Variants in TRAK2 observed in about 807,000 individuals in gnomAD.
The protein encoded by TRAK2 is trafficking kinesin-binding protein 2.
TRAK2 carries 81 observed loss-of-function variants against 104.6 expected under a neutral mutation model. The ratio of observed to expected loss-of-function variants is 0.77; its 90% CI spans 0.65 to 0.93. TRAK2 has a LOEUF of 0.93. Ranked by LOEUF, TRAK2 falls within the 40% of genes least tolerant of loss-of-function variation. TRAK2 has a pLI of 0.00. For missense variants in TRAK2, 1,002 were observed against 1,089.0 expected (o/e 0.92, Z 1.12); for synonymous variants, 406 against 394.4 (o/e 1.03, Z -0.35).
intron 1 of TRAK2, among the ~76,000 whole-genome samples, chr2:201,450,779 GATT>G (rs1050263206): frequency 6.6e-6 from 1 of 151,254 alleles, no homozygotes; most frequent in Non-Finnish European, 1.5e-5. Context: ...TTATGACGCA[GATT>G]TTTTTTTAAG....
In TRAK2 at chr2:201,395,435, T is replaced by C. The variant is rs753992382; in HGVS notation, c.779A>G (p.Asn260Ser). 6 of 1,535,804 alleles carry C rather than the reference T, an allele frequency of 3.9e-6. No homozygotes were observed. The South Asian group carries it at 5.1e-5, about 13-fold the overall frequency. ...SDCVKELRET[N>S]AQMSRMTEEL... ...TTCAGTCATTCTGGACATCTGAGCA[T>C]TTGTTTCACCTTGGAAGCAAAAAAA... The change falls in exon 8 of 16, where the codon AAT (asparagine) becomes AGT (serine). Residue 260 changes from asparagine (N) to serine (S), a missense_variant. Transcript: ENST00000332624.
At chr2:201,419,490 T>C (rs914435045) in intron 2 of TRAK2, 5 of 135,434 alleles carry the variant, frequency 3.7e-5, no homozygotes, top group African/African-American at 1.5e-4. Context: ...ATTCAATTTA[T>C]ATGAAATTCT....
At chr2:201,416,250 A>G (rs1344081595) in intron 2 of TRAK2, among the ~76,000 whole-genome samples, 1 of 148,638 alleles carries the variant, frequency 6.7e-6, no homozygotes, top group Middle Eastern at 3.2e-3. Context: ...AAAAAAAGGA[A>G]GAAGAAAAAA....
chr2:201,428,842 G>A (rs568036584), intron 1 of TRAK2, among the ~76,000 whole-genome samples: 45 of 152,042 alleles, frequency 3.0e-4, no homozygotes, highest in East Asian at 1.5e-3. Context: ...CTTTTATTTC[G>A]TTGAGCAGTG....
At position 201,422,790 on chromosome 2, in the gene TRAK2, C is replaced by T. The variant is rs4675036; in HGVS notation, c.-199-2084G>A. Among the ~76,000 whole-genome samples, 951 of 152,120 alleles carry T rather than the reference C, an allele frequency of 6.3e-3. 38 individuals carry two copies. The highest frequency in any genetic ancestry group is 0.055 in the Admixed American group (848 of 15,284). On this transcript the variant is annotated intron_variant, in intron 1 of 15. Transcript: ENST00000332624. Reference sequence around the variant, plus strand: ...CTGCAAGGTGTCGGTAAGTGAGATGCTAAGAGTGGAGTTTAGTGAGTACAG... The same window carrying T: ...CTGCAAGGTGTCGGTAAGTGAGATGTTAAGAGTGGAGTTTAGTGAGTACAG...
chr2:201,413,203 G>A, intron 2 of TRAK2: 1 of 1,501,558 alleles, frequency 6.7e-7, no homozygotes, highest in Non-Finnish European at 9.3e-7. Context: ...GCAATGTGCT[G>A]ACCAACATCA....
intron 1 of TRAK2, among the ~76,000 whole-genome samples, chr2:201,449,042 G>A (rs1051227321): frequency 3.3e-5 from 5 of 152,160 alleles, no homozygotes; most frequent in African/African-American, 1.2e-4. Flanking sequence ...AGAACCTTTT[G>A]ATAAAAGTCC....
intron 6 of TRAK2, chr2:201,397,888 G>GT: frequency 3.6e-6 from 2 of 557,132 alleles, no homozygotes; most frequent in Admixed American, 6.2e-5. Context: ...TAACTACTTA[G>GT]TTACTTGCGT....
At position 201,378,056 on chromosome 2, in the gene TRAK2, GATT is replaced by G. The variant is rs1379222720; in HGVS notation, c.*2484_*2486del. 1 of 152,088 alleles carries G rather than the reference GATT, an allele frequency of 6.6e-6. No individual in the cohort carries two copies. The highest frequency in any genetic ancestry group is 1.5e-5 in the Non-Finnish European group (1 of 68,006). The allele number at this position is 152,088 out of a possible 1,614,324, so 9.4% of individuals were successfully genotyped here. A position where few individuals can be genotyped will look rare whatever the true frequency, so the allele number is the denominator to read the frequency against. Reference sequence around the variant, plus strand: ...TTGCAGACAATTCTAGTATTATAGAGATTATCAGGATATACCAAAAATGATTTT... The same window carrying G: ...TTGCAGACAATTCTAGTATTATAGAGATCAGGATATACCAAAAATGATTTT... On this transcript the variant is annotated 3_prime_UTR_variant, in exon 16 of 16. Transcript: ENST00000332624.
chr2:201,386,459 C>T lies in TRAK2; in HGVS notation c.1722G>A (p.Gln574=). The T allele has an allele frequency of 6.2e-7, 1 of 1,614,126 alleles. No individual in the cohort carries two copies. Among genetic ancestry groups the T allele is most frequent in the Non-Finnish European group, 8.5e-7 (1 of 1,180,004 alleles). ...LEGSQTLYHW[Q]QLAQPNLGTI... ...TTCCCAAGTTTGGTTGAGCAAGCTGCTGCCAGTGATACAGAGTTTGTGATC... is the reference window on the plus strand; with the variant it reads ...TTCCCAAGTTTGGTTGAGCAAGCTGTTGCCAGTGATACAGAGTTTGTGATC... Residue 574 remains glutamine (Q), a synonymous_variant, in exon 14 of 16, where the codon CAG becomes CAA. Coordinates refer to ENST00000332624, the MANE Select transcript of TRAK2 (RefSeq NM_015049.3).
In TRAK2 at chr2:201,407,757, T is replaced by C. The variant is rs1396156722; in HGVS notation, c.92-160A>G. On this transcript the variant is annotated intron_variant, in intron 2 of 15. Transcript: ENST00000332624. Reference sequence around the variant, plus strand: ...TTTTTATTAGTATATCCTAGTAGTATAGTTTTTTTTTCTCCAGGTTTTTTT... The same window carrying C: ...TTTTTATTAGTATATCCTAGTAGTACAGTTTTTTTTTCTCCAGGTTTTTTT... Among the ~76,000 whole-genome samples, 3 of 9,152 alleles carry C rather than the reference T, an allele frequency of 3.3e-4. No homozygotes were observed. The Admixed American group carries it at 6.8e-3, about 21-fold the overall frequency. 6.0% of individuals were successfully genotyped at this position (9,152 alleles called of 152,430 possible). A position where few individuals can be genotyped will look rare whatever the true frequency, so the allele number is the denominator to read the frequency against.
chr2:201,413,018 G>A (rs1296801538), intron 2 of TRAK2: 1 of 776,856 alleles, frequency 1.3e-6, no homozygotes, highest in Non-Finnish European at 2.4e-6. Context: ...AAGAAGTCGA[G>A]GGTGTTGAAG....
chr2:201,400,504 G>A (rs1951542058), intron 4 of TRAK2, among the ~76,000 whole-genome samples: 1 of 151,952 alleles, frequency 6.6e-6, no homozygotes, highest in Non-Finnish European at 1.5e-5. Flanking sequence ...AAGAAAGACT[G>A]TCTTCCATAA....
At chr2:201,435,897 C>A (rs1208821960) in intron 1 of TRAK2, among the ~76,000 whole-genome samples, 2 of 151,962 alleles carry the variant, frequency 1.3e-5, no homozygotes, top group East Asian at 3.9e-4. Flanking sequence ...CAGAAATCTG[C>A]AAAAATCATA....
chr2:201,437,682 C>T (rs754623214), intron 1 of TRAK2, among the ~76,000 whole-genome samples: 2 of 152,142 alleles, frequency 1.3e-5, no homozygotes, highest in Admixed American at 6.5e-5. Context: ...CCTATTGCTA[C>T]GGCCCTAGTT....
intron 1 of TRAK2, among the ~76,000 whole-genome samples, chr2:201,420,917 A>G (rs904391441): frequency 6.6e-6 from 1 of 152,236 alleles, no homozygotes; most frequent in Non-Finnish European, 1.5e-5. Context: ...ATGTCCACTT[A>G]TCTATAGTGA....
chr2:201,421,388 A>C (rs1951739396), intron 1 of TRAK2, among the ~76,000 whole-genome samples: 1 of 152,242 alleles, frequency 6.6e-6, no homozygotes, highest in Admixed American at 6.5e-5. Context: ...GAAGAAGACG[A>C]AATGGAATAA....
At chr2:201,418,565 T>A (rs1951713095) in intron 2 of TRAK2, among the ~76,000 whole-genome samples, 1 of 152,194 alleles carries the variant, frequency 6.6e-6, no homozygotes, top group Non-Finnish European at 1.5e-5. Context: ...GTGGTATTTC[T>A]GTAAAGATAG....
chr2:201,389,763 C>G lies in TRAK2; in HGVS notation c.1193+38G>C, dbSNP rs773078182. On this transcript the variant is annotated intron_variant, in intron 11 of 15. Transcript: ENST00000332624. Reference sequence around the variant, plus strand: ...TTGTGGCTTCTTTTTAATTTCTATTCCAATGATTGAGTAACAACACATGTG... The same window carrying G: ...TTGTGGCTTCTTTTTAATTTCTATTGCAATGATTGAGTAACAACACATGTG... 2.0e-6 allele frequency: 3 copies of G among 1,523,638 alleles called. No homozygotes were observed. The South Asian group carries it at 3.6e-5, about 18-fold the overall frequency. The allele number at this position is 1,523,638 out of a possible 1,614,324, so 94.4% of individuals were successfully genotyped here.
Sources: allele counts gnomAD v4.1 joint callset (sites outside exome capture counted in the v4.1 genomes callset), GRCh38; gene constraint gnomAD v4.1.1; transcripts MANE v1.5; gene names NCBI Gene and HGNC (gene_info 2026-07-23, HGNC 2026-07-21).